Variants in LARS1 observed in about 807,000 individuals in gnomAD.
LARS1 encodes the protein leucine--tRNA ligase, cytoplasmic.
LARS1 carries 100 observed loss-of-function variants against 162.8 expected under a neutral mutation model. The ratio of observed to expected loss-of-function variants is 0.61; its 90% confidence interval spans 0.52 to 0.73. The LOEUF (loss-of-function observed/expected upper bound fraction) is 0.73. LARS1 is among the 30% of genes least tolerant of loss of function. LARS1 has a pLI of 0.00. For synonymous variants in LARS1, 457 were observed against 462.8 expected, an observed-to-expected ratio of 0.99 and a Z score of 0.16; for missense variants, 1,258 against 1,408.9, an observed-to-expected ratio of 0.89 and a Z score of 1.71.
chr5:146,146,703 A>C (rs1415576164), intron 15 of LARS1, among the ~76,000 whole-genome samples: 4 of 148,838 alleles, frequency 2.7e-5, no homozygotes, highest in Non-Finnish European at 5.9e-5. Flanking sequence ...CAACTTCCAA[A>C]ATGCTCAGTT....
chr5:146,171,640 T>C (rs1034912508), intron 4 of LARS1, among the ~76,000 whole-genome samples: 2 of 152,216 alleles, frequency 1.3e-5, no homozygotes, highest in African/African-American at 4.8e-5. Flanking sequence ...ACAGAATCAG[T>C]TATTACCTAA....
chr5:146,158,308 A>G, intron 8 of LARS1, among the ~76,000 whole-genome samples: 1 of 152,194 alleles, frequency 6.6e-6, no homozygotes, highest in East Asian at 1.9e-4. Context: ...AATCTAGGAT[A>G]TTGCTGCCAT....
chr5:146,172,124 C>A, intron 3 of LARS1, 134 bp from the exon 4 acceptor site: 1 of 718,702 alleles, frequency 1.4e-6, no homozygotes, highest in Non-Finnish European at 2.4e-6. Context: ...TTAGGCATCC[C>A]AAAACTCACC....
At chr5:146,181,185 C>G (rs1382536914) in intron 1 of LARS1, 1 of 152,004 alleles carries the variant, frequency 6.6e-6, no homozygotes, top group Non-Finnish European at 1.5e-5. Flanking sequence ...AACCCTGTCT[C>G]TACTAAAATA....
Position 146,153,174 on chromosome 5 carries a change from C to A in LARS1, c.1284G>T (p.Pro428=). Reference sequence around the variant, plus strand: ...TATTCTGAATTATCTATGTACTCACCGGCTCAAATGGCAAGACCATGTCAT... The same window carrying A: ...TATTCTGAATTATCTATGTACTCACAGGCTCAAATGGCAAGACCATGTCAT... The part of the protein sequence containing the change: ...IRDDMVLPFE[P]VPVIEIPGFG... The change falls in exon 13 of 32, where the codon CCG becomes CCT. Residue 428 remains proline, a splice_region_variant and synonymous_variant. Transcript: ENST00000394434. 6.2e-7 allele frequency: 1 copy of A among 1,609,632 alleles called. No homozygotes were observed. The highest frequency in any genetic ancestry group is 8.5e-7 in the Non-Finnish European group (1 of 1,176,456).
intron 4 of LARS1, among the ~76,000 whole-genome samples, chr5:146,169,496 ACAGGACATT>A (rs1754163900): frequency 6.6e-6 from 1 of 152,156 alleles, no homozygotes; most frequent in African/African-American, 2.4e-5. Flanking sequence ...TTATTGAGTA[ACAGGACATT>A]CAGAGGCTCT....
intron 21 of LARS1, chr5:146,138,367 C>T: frequency 6.2e-6 from 1 of 160,672 alleles, no homozygotes. Flanking sequence ...GATGCTATAC[C>T]CCTCAAGGAT....
At chr5:146,160,742 C>T (rs10070154) in intron 6 of LARS1, among the ~76,000 whole-genome samples, 25 of 152,098 alleles carry the variant, frequency 1.6e-4, no homozygotes, top group African/African-American at 5.1e-4. Flanking sequence ...TTTAATCCTA[C>T]CTTTATGTAT....
rs1432356228 is a variant in LARS1, at chr5:146,133,035, G to A, written c.2259C>T (p.Ala753=). Residue 753 remains alanine (A), a synonymous_variant, in exon 23 of 32, where the codon GCC becomes GCT. Transcript: ENST00000394434. ...CATCTGCCATGGCTTCCACAAAGTT[G>A]GCATCTTCTACAGTGTCACCAGCAT... The part of the protein sequence containing the change: ...LADAGDTVED[A]NFVEAMADAG... 6.2e-7 allele frequency: 1 copy of A among 1,613,924 alleles called. No individual in the cohort carries two copies. The highest frequency in any genetic ancestry group is 2.2e-5 in the East Asian group (1 of 44,892).
intron 21 of LARS1, 129 bp downstream of exon 21, chr5:146,140,075 G>A: frequency 1.4e-6 from 1 of 722,608 alleles, no homozygotes; most frequent in South Asian, 1.6e-5. Context: ...CCAAAGCTCT[G>A]GAATTACAGG....
chr5:146,129,475 A>G (rs1399412049), intron 25 of LARS1, among the ~76,000 whole-genome samples: 1 of 152,210 alleles, frequency 6.6e-6, no homozygotes, highest in Non-Finnish European at 1.5e-5. Context: ...TCCAGTATTC[A>G]AGTACGGTTA....
At chr5:146,128,551 G>A (rs569390638) in intron 27 of LARS1, 121 bp downstream of exon 27, 2 of 538,586 alleles carry the variant, frequency 3.7e-6, no homozygotes, top group East Asian at 3.3e-5. Flanking sequence ...TGTCTGCCTA[G>A]AGGGAATGAA....
intron 13 of LARS1, 90 bp downstream of exon 13, chr5:146,153,084 A>G (rs1753363410): frequency 9.6e-7 from 1 of 1,037,234 alleles, no homozygotes; most frequent in Non-Finnish European, 1.4e-6. Context: ...TACTCCACCA[A>G]TTAATTTTGT....
At chr5:146,155,401 A>T (rs1012240717) in intron 10 of LARS1, among the ~76,000 whole-genome samples, 11 of 152,256 alleles carry the variant, frequency 7.2e-5, no homozygotes, top group African/African-American at 2.7e-4. Flanking sequence ...GATAGAAAAA[A>T]TGATTTAACA....
chr5:146,163,327 T>A (rs1353022610), intron 6 of LARS1, among the ~76,000 whole-genome samples: 1 of 152,206 alleles, frequency 6.6e-6, no homozygotes, highest in Non-Finnish European at 1.5e-5. Context: ...ATATCTGCAA[T>A]AAGGTCACTT....
chr5:146,153,051 C>A, intron 13 of LARS1, 123 bp downstream of exon 13: 1 of 724,786 alleles, frequency 1.4e-6, no homozygotes, highest in South Asian at 2.1e-5. Context: ...GTGAGTAAAT[C>A]CTTAAGCAAA....
rs757089509 is a variant in LARS1, at chr5:146,114,249, C to T, written c.3388G>A (p.Val1130Ile). The change falls in exon 32 of 32, where the codon GTC becomes ATC. Residue 1130 changes from valine to isoleucine, a missense_variant. Transcript: ENST00000394434. ...DPLLGPRRVP[V>I]LGKEYTEKTP... ...TTCTCGGTGTACTCCTTTCCCAGGA[C>T]AGGAACTCGTCGAGGCCCCAACAGT... The T allele has an allele frequency of 4.3e-6, 7 of 1,613,732 alleles. No homozygotes were observed. Among genetic ancestry groups the T allele is most frequent in the Non-Finnish European group, 5.9e-6 (7 of 1,179,968 alleles).
At chr5:146,122,796 T>C (rs1581006563) in intron 29 of LARS1, among the ~76,000 whole-genome samples, 1 of 152,078 alleles carries the variant, frequency 6.6e-6, no homozygotes, top group African/African-American at 2.4e-5. Flanking sequence ...TTGTTATTTA[T>C]ATAGTCATGT....
intron 21 of LARS1, among the ~76,000 whole-genome samples, chr5:146,135,966 T>C (rs1752483377): frequency 6.6e-6 from 1 of 152,226 alleles, no homozygotes; most frequent in Admixed American, 6.5e-5. Context: ...GATTCCACTA[T>C]AACTCTAGAA....
Sources: gnomAD v4.1 joint callset for allele counts (sites outside exome capture counted in the v4.1 genomes callset) on GRCh38, gnomAD v4.1.1 for gene constraint, MANE v1.5 for transcripts, NCBI Gene and HGNC (gene_info 2026-07-23, HGNC 2026-07-21) for gene names.